Variants in SAMD5 observed in about 807,000 individuals in gnomAD.
The protein encoded by SAMD5 is sterile alpha motif domain-containing protein 5.
In SAMD5, 13 loss-of-function variants were observed where a neutral mutation model predicts 11.3. That is an observed-to-expected ratio of 1.15 (90% CI 0.75 to 1.83). The LOEUF is 1.83. Among genes scored for constraint, SAMD5 ranks in the 40% most tolerant of loss-of-function variants. The probability of loss-of-function intolerance (pLI) is 0.00; values close to 1 mark genes in which losing one functional copy is unlikely to be tolerated. For synonymous variants in SAMD5, 129 were observed against 111.3 expected (o/e 1.16, Z -1.00); for missense variants, 255 against 239.1 (o/e 1.07, Z -0.44).
chr6:147,781,743 T>C, the SAMD5 span, among the ~76,000 whole-genome samples: 1 of 148,642 alleles, frequency 6.7e-6, no homozygotes, highest in Non-Finnish European at 1.5e-5. Context: ...TATTATAATT[T>C]GTATATATAA....
the SAMD5 span, among the ~76,000 whole-genome samples, chr6:147,753,901 T>C: frequency 1.3e-5 from 2 of 152,230 alleles, no homozygotes; most frequent in African/African-American, 4.8e-5. Context: ...TTTTTATGGC[T>C]GAATAGTACT....
intron 1 of SAMD5, among the ~76,000 whole-genome samples, chr6:147,523,871 C>T (rs981770878): frequency 1.3e-5 from 2 of 152,266 alleles, no homozygotes; most frequent in Admixed American, 1.3e-4. Context: ...CCCGGGATCA[C>T]ACAAACTCAG....
intron 1 of SAMD5, among the ~76,000 whole-genome samples, chr6:147,701,148 T>G (rs984640148): frequency 6.6e-6 from 1 of 152,198 alleles, no homozygotes; most frequent in Non-Finnish European, 1.5e-5. Context: ...CAGCCGTTAT[T>G]TGAGGGGTTC....
At chr6:147,924,059 C>T in the SAMD5 span, among the ~76,000 whole-genome samples, 2 of 152,174 alleles carry the variant, frequency 1.3e-5, no homozygotes, top group Non-Finnish European at 2.9e-5. Context: ...TGGCTGCCCG[C>T]TTCCCTTCCC....
intron 1 of SAMD5, among the ~76,000 whole-genome samples, chr6:147,549,212 A>C (rs1788730627): frequency 6.6e-6 from 1 of 152,228 alleles, no homozygotes; most frequent in African/African-American, 2.4e-5. Flanking sequence ...TGCGTGCACC[A>C]GTTCAAATCA....
At chr6:147,557,424 C>G (rs1788875394) in intron 1 of SAMD5, among the ~76,000 whole-genome samples, 1 of 152,166 alleles carries the variant, frequency 6.6e-6, no homozygotes, top group African/African-American at 2.4e-5. Flanking sequence ...ATCAACGTGT[C>G]AGCAAGGCCA....
chr6:147,639,490 G>C (rs1790278342), intron 1 of SAMD5, among the ~76,000 whole-genome samples: 1 of 152,184 alleles, frequency 6.6e-6, no homozygotes. Context: ...CTGCAGCTCT[G>C]GGGTCCCCGA....
intron 1 of SAMD5, among the ~76,000 whole-genome samples, chr6:147,525,435 A>G (rs1788322021): frequency 6.6e-6 from 1 of 150,888 alleles, no homozygotes; most frequent in African/African-American, 2.4e-5. Flanking sequence ...TAGAACACTA[A>G]TACATGGAGA....
chr6:147,878,945 T>TA, the SAMD5 span, among the ~76,000 whole-genome samples: 47 of 152,142 alleles, frequency 3.1e-4, no homozygotes, highest in Non-Finnish European at 2.5e-4. Flanking sequence ...TAGTACTTTT[T>TA]ACTTTTCTAT....
At chr6:147,766,588 T>A in the SAMD5 span, among the ~76,000 whole-genome samples, 1 of 152,314 alleles carries the variant, frequency 6.6e-6, no homozygotes, top group South Asian at 2.1e-4. Flanking sequence ...ATCAATAACA[T>A]GTAAGTAAAG....
intron 1 of SAMD5, among the ~76,000 whole-genome samples, chr6:147,541,495 G>A (rs1452613086): frequency 6.6e-6 from 1 of 152,122 alleles, no homozygotes; most frequent in Non-Finnish European, 1.5e-5. Flanking sequence ...AGGTGGGAAG[G>A]GACGACCTCC....
At chr6:147,705,648 C>G (rs1228084779) in intron 1 of SAMD5, among the ~76,000 whole-genome samples, 1 of 152,120 alleles carries the variant, frequency 6.6e-6, no homozygotes. Flanking sequence ...GTGTATTAAT[C>G]AATCAAAATG....
intron 1 of SAMD5, among the ~76,000 whole-genome samples, chr6:147,641,567 ATTTTTT>A (rs35496907): frequency 7.2e-6 from 1 of 139,838 alleles, no homozygotes; most frequent in Non-Finnish European, 1.5e-5. Flanking sequence ...TCTGTCTTTA[ATTTTTT>A]TTTTTTTTTT....
At chr6:147,843,793 G>A in the SAMD5 span, among the ~76,000 whole-genome samples, 257 of 152,212 alleles carry the variant, frequency 1.7e-3, 1 homozygote, top group African/African-American at 5.5e-3. Context: ...AAATTCACAT[G>A]CAGAAGAATG....
the SAMD5 span, among the ~76,000 whole-genome samples, chr6:147,776,759 G>T: frequency 3.3e-5 from 5 of 152,182 alleles, no homozygotes; most frequent in Non-Finnish European, 5.9e-5. Context: ...AAGGGATGGA[G>T]AACAAACAGT....
intron 1 of SAMD5, among the ~76,000 whole-genome samples, chr6:147,578,674 C>T (rs1789252276): frequency 1.3e-5 from 2 of 151,670 alleles, no homozygotes; most frequent in South Asian, 4.2e-4. Flanking sequence ...ACTAAAATGC[C>T]TAAAAAACAA....
Position 147,564,611 on chromosome 6 carries a change from C to T in SAMD5, c.*155C>T, listed in dbSNP as rs1789007276. ...CTTGGACAAATTCTGGAATAATCAA[C>T]TTAGTAAACTGGGTAACTGGCTTAT... is the stretch of plus-strand genomic sequence containing the variant. On this transcript the variant is annotated 3_prime_UTR_variant, in exon 2 of 2. Transcript: ENST00000367474. 8.4e-6 allele frequency: 12 copies of T among 1,433,630 alleles called. No individual in the cohort carries two copies. Among genetic ancestry groups the T allele is most frequent in the Non-Finnish European group, 1.1e-5 (12 of 1,091,212 alleles). The allele number at this position is 1,433,630 out of a possible 1,614,324, so 88.8% of individuals were successfully genotyped here.
rs369486241 is a variant in SAMD5 at position 147,508,890 on chromosome 6, G to T, written c.-39G>T. The T allele has an allele frequency of 9.3e-5, 147 of 1,581,114 alleles. No individual in the cohort carries two copies. In the African/African-American group the frequency reaches 1.7e-3, roughly 18 times the overall value. On this transcript the variant is annotated 5_prime_UTR_variant, in exon 1 of 2. Transcript: ENST00000367474. ...CTGGTGCCGCCCGTGCCATTTGGGC[G>T]CTGGGAAGGTGCTCGGCGGCGGGGT...
chr6:147,884,457 C>G, the SAMD5 span, among the ~76,000 whole-genome samples: 8 of 152,320 alleles, frequency 5.3e-5, no homozygotes, highest in South Asian at 6.2e-4. Context: ...CTCAGATATT[C>G]TGGTTAGTTA....
Sources: gnomAD v4.1 joint callset for allele counts (sites outside exome capture counted in the v4.1 genomes callset) on GRCh38, gnomAD v4.1.1 for gene constraint, MANE v1.5 for transcripts, NCBI Gene and HGNC (gene_info 2026-07-23, HGNC 2026-07-21) for gene names.